The following IP6K1 variants were observed in gnomAD, a reference collection of about 807,000 sequenced individuals.
The protein encoded by IP6K1 is inositol hexakisphosphate kinase 1.
IP6K1 carries 13 observed loss-of-function variants against 38.3 expected under a neutral mutation model. That is an observed-to-expected ratio of 0.34 (90% CI 0.22 to 0.54). The LOEUF (loss-of-function observed/expected upper bound fraction) is 0.54, where lower values mean the gene tolerates loss of function less well. Among genes scored for constraint, IP6K1 ranks in the 20% least tolerant of loss-of-function variants. The probability of loss-of-function intolerance (pLI) is 0.92; values close to 1 mark genes in which losing one functional copy is unlikely to be tolerated. For synonymous variants in IP6K1, 212 were observed against 229.9 expected (o/e 0.92, Z 0.70); for missense variants, 397 against 599.8 (o/e 0.66, Z 3.53).
chr3:49,774,407 CAAAAAAAAAAA>C lies in IP6K1; in HGVS notation c.-129+11936_-129+11946del, dbSNP rs777187857. ...TGGGCGAAAGAGCTAGACTCCATCTCAAAAAAAAAAAAAAAAAAAAAAGAAAAAAAAAATTT... is the reference window on the plus strand; with the variant it reads ...TGGGCGAAAGAGCTAGACTCCATCTCAAAAAAAAAAAGAAAAAAAAAATTT... On this transcript the variant is annotated intron_variant, in intron 1 of 5. Coordinates refer to ENST00000321599, the MANE Select transcript of IP6K1 (RefSeq NM_153273.4). Among the ~76,000 whole-genome samples the C allele has an allele frequency of 4.2e-3, 186 of 44,310 alleles. 1 individual carries two copies. The highest frequency in any genetic ancestry group is 0.012 in the African/African-American group (170 of 14,762). The allele number at this position is 44,310 out of a possible 152,430, so 29.1% of individuals were successfully genotyped here.
At chr3:49,734,032 G>A (rs1292237732) in intron 3 of IP6K1, among the ~76,000 whole-genome samples, 1 of 152,140 alleles carries the variant, frequency 6.6e-6, no homozygotes, top group Non-Finnish European at 1.5e-5. Flanking sequence ...TAGCTACTTG[G>A]GAGGCTAAGG....
intron 1 of IP6K1, among the ~76,000 whole-genome samples, chr3:49,749,299 T>C (rs1224996043): frequency 6.6e-6 from 1 of 151,868 alleles, no homozygotes; most frequent in Non-Finnish European, 1.5e-5. Flanking sequence ...TTTATGACCA[T>C]TCCCTTTCTG....
intron 1 of IP6K1, among the ~76,000 whole-genome samples, chr3:49,773,321 C>T (rs913928502): frequency 3.0e-4 from 45 of 152,236 alleles, no homozygotes; most frequent in African/African-American, 1.0e-3. Context: ...GTAAGATAGC[C>T]ACATACTGGC....
At chr3:49,733,113 TA>T (rs1157547049) in intron 3 of IP6K1, 141 bp from the exon 4 acceptor site, 42 of 530,224 alleles carry the variant, frequency 7.9e-5, no homozygotes, top group Non-Finnish European at 1.3e-4. Flanking sequence ...CATGAGCCAA[TA>T]AAAATGAGTA....
chr3:49,746,340 G>T (rs2080720522), intron 2 of IP6K1, among the ~76,000 whole-genome samples: 1 of 148,762 alleles, frequency 6.7e-6, no homozygotes, highest in African/African-American at 2.5e-5. Flanking sequence ...AACAAAATGT[G>T]GTATACACTT....
chr3:49,727,275 G>A lies in IP6K1; in HGVS notation c.1173C>T (p.Pro391=). 2 of 1,614,136 alleles carry A rather than the reference G, an allele frequency of 1.2e-6. No homozygotes were observed. The highest frequency in any genetic ancestry group is 1.7e-6 in the Non-Finnish European group (2 of 1,180,022). ...AGTCAATCATGCGGACATCCACCTT[G>A]GGCTGAGAGGAGGGACCCGCCTCGG... is the stretch of plus-strand genomic sequence containing the variant. The part of the protein sequence containing the change: ...TSPEAGPSSQ[P]KVDVRMIDFA... The change falls in exon 6 of 6, where the codon CCC becomes CCT. Residue 391 remains proline, a synonymous_variant. Coordinates refer to ENST00000321599, the MANE Select transcript of IP6K1 (RefSeq NM_153273.4). The surrounding 1 kb of genome is among the most constrained non-coding windows in gnomAD (Gnocchi z 5.9).
At chr3:49,743,858 G>A (rs2080696618) in intron 2 of IP6K1, among the ~76,000 whole-genome samples, 2 of 151,688 alleles carry the variant, frequency 1.3e-5, no homozygotes, top group African/African-American at 4.8e-5. Flanking sequence ...GACCTCAGGT[G>A]ATCCGCCTGC....
chr3:49,747,555 C>G (rs753255267), intron 2 of IP6K1, among the ~76,000 whole-genome samples: 1 of 152,214 alleles, frequency 6.6e-6, no homozygotes, highest in Non-Finnish European at 1.5e-5. Flanking sequence ...TGGGAAAATT[C>G]ACTGACAACA....
At chr3:49,758,027 T>A (rs2080839256) in intron 1 of IP6K1, among the ~76,000 whole-genome samples, 1 of 152,100 alleles carries the variant, frequency 6.6e-6, no homozygotes, top group African/African-American at 2.4e-5. Flanking sequence ...TGGTTACTAG[T>A]GGCCAGGCGC....
intron 1 of IP6K1, among the ~76,000 whole-genome samples, chr3:49,769,517 T>C (rs576051039): frequency 1.6e-4 from 24 of 152,260 alleles, no homozygotes; most frequent in African/African-American, 5.8e-4. Context: ...CAGTCAATTG[T>C]TTTTCGACAA....
intron 5 of IP6K1, 57 bp downstream of exon 5, chr3:49,728,046 A>G: frequency 6.5e-7 from 1 of 1,548,604 alleles, no homozygotes; most frequent in Non-Finnish European, 8.8e-7. Context: ...GGCAGGTATG[A>G]GCACAACCCA....
chr3:49,749,542 C>T (rs2080753422), intron 1 of IP6K1, among the ~76,000 whole-genome samples: 1 of 152,162 alleles, frequency 6.6e-6, no homozygotes, highest in African/African-American at 2.4e-5. Flanking sequence ...GACAAACCAT[C>T]GGGTTTTTTG....
At chr3:49,742,925 T>C (rs2080683067) in intron 2 of IP6K1, among the ~76,000 whole-genome samples, 1 of 150,630 alleles carries the variant, frequency 6.6e-6, no homozygotes. Flanking sequence ...TGGACTAAAA[T>C]TTTATATTAA....
chr3:49,752,684 G>A (rs182808934), intron 1 of IP6K1, among the ~76,000 whole-genome samples: 5 of 151,522 alleles, frequency 3.3e-5, no homozygotes, highest in Admixed American at 6.6e-5. Context: ...TTTAACTCCC[G>A]ACCTCAGGTG....
chr3:49,734,205 C>G (rs1433802066), intron 3 of IP6K1, among the ~76,000 whole-genome samples: 1 of 151,946 alleles, frequency 6.6e-6, no homozygotes, highest in African/African-American at 2.4e-5. Context: ...GCAACTTCAA[C>G]TGAAAATACT....
At chr3:49,756,595 A>G (rs999233178) in intron 1 of IP6K1, among the ~76,000 whole-genome samples, 8 of 152,138 alleles carry the variant, frequency 5.3e-5, no homozygotes, top group African/African-American at 1.7e-4. Context: ...AGGCGGGTGG[A>G]TCACCTGAGG....
chr3:49,783,693 A>G (rs1286226842), intron 1 of IP6K1, among the ~76,000 whole-genome samples: 1 of 149,146 alleles, frequency 6.7e-6, no homozygotes. Context: ...AGCCAGCGCA[A>G]CCGAGCGAGA....
chr3:49,757,040 T>C (rs991146767), intron 1 of IP6K1, among the ~76,000 whole-genome samples: 1 of 152,106 alleles, frequency 6.6e-6, no homozygotes, highest in African/African-American at 2.4e-5. Flanking sequence ...TGTAGAAGGA[T>C]GGGAGAAATG....
At chr3:49,772,607 T>G (rs1273095030) in intron 1 of IP6K1, among the ~76,000 whole-genome samples, 2 of 152,002 alleles carry the variant, frequency 1.3e-5, no homozygotes, top group Non-Finnish European at 2.9e-5. Context: ...TTCACCATGT[T>G]GCCCAGGCTG....
Sources: gnomAD v4.1 joint callset for allele counts (sites outside exome capture counted in the v4.1 genomes callset) on GRCh38, gnomAD v4.1.1 for gene constraint, Gnocchi (gnomAD v3.1) non-coding constraint, MANE v1.5 for transcripts, NCBI Gene and HGNC (gene_info 2026-07-23, HGNC 2026-07-21) for gene names.